RUFY3: variants seen among roughly 807,000 people sequenced by gnomAD.
RUFY3 encodes the protein protein RUFY3.
A neutral mutation model predicts 84.0 loss-of-function variants in RUFY3; 34 were observed. The observed-to-expected ratio is 0.40, with a 90% confidence interval of 0.31 to 0.54. The LOEUF (loss-of-function observed/expected upper bound fraction) is 0.54. Among genes scored for constraint, RUFY3 ranks in the 20% least tolerant of loss-of-function variants. The pLI is 0.39. For synonymous variants in RUFY3, 242 were observed against 252.9 expected, an observed-to-expected ratio of 0.96 and a Z score of 0.41; for missense variants, 507 against 736.8, an observed-to-expected ratio of 0.69 and a Z score of 3.61.
intron 1 of RUFY3, among the ~76,000 whole-genome samples, chr4:70,745,712 A>T (rs945063589): frequency 1.3e-5 from 2 of 152,314 alleles, no homozygotes; most frequent in East Asian, 1.9e-4. Context: ...TGAAAAACAG[A>T]AGAAACATAT....
At chr4:70,743,917 A>G (rs1721730183) in intron 1 of RUFY3, among the ~76,000 whole-genome samples, 3 of 152,324 alleles carry the variant, frequency 2.0e-5, no homozygotes, top group East Asian at 1.9e-4. Flanking sequence ...ACAGTTATGT[A>G]AAATTCCAGC....
At chr4:70,733,220 T>C (rs1000822853) in intron 1 of RUFY3, among the ~76,000 whole-genome samples, 2 of 152,134 alleles carry the variant, frequency 1.3e-5, no homozygotes, top group African/African-American at 2.4e-5. Flanking sequence ...CAATTTAATT[T>C]ATGGTTTCTA....
intron 1 of RUFY3, among the ~76,000 whole-genome samples, chr4:70,750,263 T>C (rs185516035): frequency 6.6e-6 from 1 of 152,294 alleles, no homozygotes; most frequent in East Asian, 1.9e-4. Flanking sequence ...TTATTGCCAA[T>C]CTTATTTAAT....
intron 1 of RUFY3, among the ~76,000 whole-genome samples, chr4:70,726,798 T>TG (rs1210371463): frequency 6.6e-6 from 1 of 152,212 alleles, no homozygotes; most frequent in Non-Finnish European, 1.5e-5. Context: ...AATCCTCACA[T>TG]GGAAAGGCGG....
chr4:70,750,723 C>A (rs577040982), intron 1 of RUFY3, among the ~76,000 whole-genome samples: 162 of 152,204 alleles, frequency 1.1e-3, no homozygotes, highest in African/African-American at 3.8e-3. Context: ...CCGCTGGCAA[C>A]CACTAGTCTA....
intron 1 of RUFY3, among the ~76,000 whole-genome samples, chr4:70,726,701 GC>G (rs1487490744): frequency 1.3e-5 from 2 of 152,154 alleles, no homozygotes; most frequent in Non-Finnish European, 2.9e-5. Flanking sequence ...CCTTCTACCC[GC>G]CCCACAGAAG....
At chr4:70,764,642 T>C in intron 4 of RUFY3, 66 bp downstream of exon 4, 1 of 915,022 alleles carries the variant, frequency 1.1e-6, no homozygotes, top group Non-Finnish European at 1.7e-6. Flanking sequence ...AGTCAAACCA[T>C]ATAAGTTCAC....
intron 1 of RUFY3, among the ~76,000 whole-genome samples, chr4:70,737,282 T>C (rs1720470714): frequency 6.6e-6 from 1 of 151,782 alleles, no homozygotes; most frequent in Non-Finnish European, 1.5e-5. Flanking sequence ...CAAAAGAGAG[T>C]TTTTACTGTT....
intron 11 of RUFY3, 116 bp from the exon 12 acceptor site, chr4:70,789,379 T>C: frequency 1.0e-6 from 1 of 1,001,550 alleles, no homozygotes; most frequent in South Asian, 1.7e-5. Context: ...GATTAACTGA[T>C]ATTGAAATAT....
At chr4:70,705,530 C>T (rs1740203305) in intron 1 of RUFY3, among the ~76,000 whole-genome samples, 2 of 152,292 alleles carry the variant, frequency 1.3e-5, no homozygotes, top group South Asian at 4.1e-4. Context: ...CCCCAGGCCG[C>T]GGCTCCTGCC....
intron 1 of RUFY3, among the ~76,000 whole-genome samples, chr4:70,732,172 AC>A (rs539068735): frequency 6.6e-6 from 1 of 152,146 alleles, no homozygotes; most frequent in Non-Finnish European, 1.5e-5. Context: ...CAGATCTCAC[AC>A]CTTTCATGTC....
chr4:70,723,021 G>A (rs1459882574), intron 1 of RUFY3, among the ~76,000 whole-genome samples: 3 of 151,992 alleles, frequency 2.0e-5, no homozygotes, highest in African/African-American at 7.3e-5. Flanking sequence ...AAACATTTGA[G>A]GTCACTTATC....
At chr4:70,754,023 A>C (rs150875315) in intron 1 of RUFY3, among the ~76,000 whole-genome samples, 1 of 152,256 alleles carries the variant, frequency 6.6e-6, no homozygotes, top group Non-Finnish European at 1.5e-5. Context: ...AAAAGGTAGC[A>C]ATGAGGACAA....
intron 1 of RUFY3, among the ~76,000 whole-genome samples, chr4:70,746,033 C>T (rs975058052): frequency 6.6e-6 from 1 of 151,728 alleles, no homozygotes; most frequent in African/African-American, 2.4e-5. Flanking sequence ...GAGTGAGTCT[C>T]CCTCTCAAAA....
intron 1 of RUFY3, among the ~76,000 whole-genome samples, chr4:70,723,695 AAAAC>A (rs1211158247): frequency 1.3e-5 from 2 of 152,204 alleles, no homozygotes; most frequent in Non-Finnish European, 2.9e-5. Flanking sequence ...CTGATGAAAA[AAAAC>A]AAAAAACGCT....
intron 5 of RUFY3, among the ~76,000 whole-genome samples, chr4:70,771,322 G>C (rs890178986): frequency 4.6e-5 from 7 of 152,056 alleles, no homozygotes; most frequent in Non-Finnish European, 1.0e-4. Flanking sequence ...GTGTGCGTGT[G>C]TGTGTATACT....
intron 1 of RUFY3, among the ~76,000 whole-genome samples, chr4:70,708,385 G>A (rs1237116289): frequency 2.0e-5 from 3 of 151,522 alleles, no homozygotes; most frequent in Non-Finnish European, 4.4e-5. Flanking sequence ...GGCTGCTCTC[G>A]AACTAGACTC....
intron 1 of RUFY3, among the ~76,000 whole-genome samples, chr4:70,750,724 C>G (rs1722994753): frequency 6.6e-6 from 1 of 152,034 alleles, no homozygotes; most frequent in African/African-American, 2.4e-5. Context: ...CGCTGGCAAC[C>G]ACTAGTCTAT....
chr4:70,750,189 T>C (rs939468320), intron 1 of RUFY3, among the ~76,000 whole-genome samples: 4 of 152,126 alleles, frequency 2.6e-5, no homozygotes, highest in Admixed American at 1.3e-4. Flanking sequence ...ATTACACAAC[T>C]TTTTATAGTA....
Sources: gnomAD v4.1 joint callset for allele counts (sites outside exome capture counted in the v4.1 genomes callset) on GRCh38, gnomAD v4.1.1 for gene constraint, MANE v1.5 for transcripts, NCBI Gene and HGNC (gene_info 2026-07-23, HGNC 2026-07-21) for gene names.